EIPR1: variants seen among roughly 807,000 people sequenced by gnomAD.
EIPR1 encodes the protein EARP complex and GARP complex interacting protein 1.
A neutral mutation model predicts 48.1 loss-of-function variants in EIPR1; 25 were observed. That is an observed-to-expected ratio of 0.52 (90% CI 0.38 to 0.73). The LOEUF is 0.73. EIPR1 is among the 30% of genes least tolerant of loss of function. EIPR1 has a pLI of 0.00. For synonymous variants in EIPR1, 204 were observed against 201.9 expected (o/e 1.01, Z -0.09); for missense variants, 415 against 506.2 (o/e 0.82, Z 1.73).
intron 1 of EIPR1, among the ~76,000 whole-genome samples, chr2:3,356,707 G>A (rs991838289): frequency 6.6e-6 from 1 of 152,182 alleles, no homozygotes; most frequent in South Asian, 2.1e-4. Flanking sequence ...AATCGCATGG[G>A]TCACTGAAAT....
rs34170815 is a variant in EIPR1 at position 3,349,903 on chromosome 2, C to G, written c.126+4647G>C. Among the ~76,000 whole-genome samples, 96 of 152,238 alleles carry G rather than the reference C, an allele frequency of 6.3e-4. 1 individual carries two copies. Among genetic ancestry groups the G allele is most frequent in the Admixed American group, 6.1e-3 (94 of 15,286 alleles). On this transcript the variant is annotated intron_variant, in intron 2 of 8. Coordinates refer to ENST00000382125, the MANE Select transcript of EIPR1 (RefSeq NM_003310.5). ...CTTTGGGAGGCCAAGGCGGGCAGAT[C>G]ACCTGAAGTCAGGAGTTTGAGACCA...
rs1464179293 is a variant in EIPR1 at position 3,192,415 on chromosome 2, T to C, written c.988A>G (p.Lys330Glu). The C allele has an allele frequency of 1.9e-6, 3 of 1,608,024 alleles. No homozygotes were observed. The highest frequency in any genetic ancestry group is 2.2e-5 in the South Asian group (2 of 90,186). ...SDQEDHRSEE[K>E]SKEPLQDNVI... ...CCACTCTGCAGTGCGTGCCCTTACT[T>C]CTCTTCAGAACGGTGGTCCTCCTGG... The change falls in exon 8 of 9, where the codon AAG becomes GAG. Residue 330 changes from lysine (K) to glutamate (E), a missense_variant and splice_region_variant. Coordinates refer to ENST00000382125, the MANE Select transcript of EIPR1 (RefSeq NM_003310.5).
chr2:3,263,017 G>A (rs1435436486), intron 3 of EIPR1, among the ~76,000 whole-genome samples: 1 of 152,242 alleles, frequency 6.6e-6, no homozygotes, highest in Non-Finnish European at 1.5e-5. Flanking sequence ...ACTCATGCCT[G>A]TGGCCATGTG....
At position 3,194,020 on chromosome 2, in the gene EIPR1, G is replaced by T; in HGVS notation, c.800C>A (p.Thr267Asn). The change falls in exon 7 of 9, where the codon ACC becomes AAC. Residue 267 changes from threonine (T) to asparagine (N), a missense_variant. By Grantham distance (65) the Thr-to-Asn change is moderately conservative. Coordinates refer to ENST00000382125, the MANE Select transcript of EIPR1 (RefSeq NM_003310.5). ...DTRNVTEPVKTLEEHSHWVWN... is the reference protein window; with the variant it reads ...DTRNVTEPVKNLEEHSHWVWN... Reference sequence around the variant, plus strand: ...CTACCAGTGGGAGTGCTCCTCCAGGGTCTTCACGGGTTCGGTGACATTTCG... The same window carrying T: ...CTACCAGTGGGAGTGCTCCTCCAGGTTCTTCACGGGTTCGGTGACATTTCG... 1 of 1,613,792 alleles carries T rather than the reference G, an allele frequency of 6.2e-7. No individual in the cohort carries two copies. Among genetic ancestry groups the T allele is most frequent in the Non-Finnish European group, 8.5e-7 (1 of 1,180,006 alleles).
intron 5 of EIPR1, among the ~76,000 whole-genome samples, chr2:3,210,373 C>T (rs1377897433): frequency 6.6e-6 from 1 of 152,160 alleles, no homozygotes; most frequent in Non-Finnish European, 1.5e-5. Flanking sequence ...AGAACTCAGT[C>T]CCACGGCCAC....
chr2:3,370,893 C>T (rs1472447190), intron 1 of EIPR1, among the ~76,000 whole-genome samples: 1 of 152,006 alleles, frequency 6.6e-6, no homozygotes, highest in African/African-American at 2.4e-5. Context: ...GAGAATGCCA[C>T]AAAGATACTC....
chr2:3,375,873 G>A (rs1659858953), intron 1 of EIPR1, among the ~76,000 whole-genome samples: 1 of 152,228 alleles, frequency 6.6e-6, no homozygotes, highest in African/African-American at 2.4e-5. Flanking sequence ...ATCACTGGTA[G>A]TTAAGCTATC....
intron 3 of EIPR1, among the ~76,000 whole-genome samples, chr2:3,259,681 AAG>A (rs1315632567): frequency 2.0e-5 from 3 of 152,372 alleles, no homozygotes; most frequent in African/African-American, 7.2e-5. Flanking sequence ...TGTTGTAACA[AAG>A]AGGGGTTTTT....
At chr2:3,285,992 G>A (rs1668173541) in intron 3 of EIPR1, among the ~76,000 whole-genome samples, 3 of 152,218 alleles carry the variant, frequency 2.0e-5, no homozygotes, top group South Asian at 4.1e-4. Context: ...TGGAAGCAGT[G>A]CCCTGCCCTG....
chr2:3,238,921 G>A (rs1021423410), intron 4 of EIPR1, among the ~76,000 whole-genome samples: 1 of 152,224 alleles, frequency 6.6e-6, no homozygotes, highest in African/African-American at 2.4e-5. Flanking sequence ...TAAGAAGGGA[G>A]CCAGCCAGCC....
At chr2:3,352,909 A>C (rs544354516) in intron 2 of EIPR1, among the ~76,000 whole-genome samples, 2 of 152,200 alleles carry the variant, frequency 1.3e-5, no homozygotes, top group Non-Finnish European at 2.9e-5. Flanking sequence ...AGGCAGGAGA[A>C]TCACTTCAAC....
intron 1 of EIPR1, among the ~76,000 whole-genome samples, chr2:3,375,180 T>A (rs768616547): frequency 7.3e-6 from 1 of 136,564 alleles, no homozygotes; most frequent in Non-Finnish European, 1.5e-5. Flanking sequence ...AATTGAACAA[T>A]GAGAACACAT....
At chr2:3,222,485 A>G (rs960911657) in intron 4 of EIPR1, among the ~76,000 whole-genome samples, 2 of 151,968 alleles carry the variant, frequency 1.3e-5, no homozygotes, top group Non-Finnish European at 2.9e-5. Context: ...AAGAAGCAAA[A>G]AAAGGCTTAA....
At chr2:3,208,753 G>A (rs1422596601) in intron 5 of EIPR1, 13 of 1,548,068 alleles carry the variant, frequency 8.4e-6, no homozygotes, top group African/African-American at 4.1e-5. Context: ...TTCTGTGAGT[G>A]AGGCCCGTGG....
At chr2:3,280,600 G>C (rs1667985976) in intron 3 of EIPR1, among the ~76,000 whole-genome samples, 1 of 152,214 alleles carries the variant, frequency 6.6e-6, no homozygotes, top group Non-Finnish European at 1.5e-5. Flanking sequence ...GAGCAAACGA[G>C]GTTGCCTTGT....
chr2:3,266,159 A>G (rs559562372), intron 3 of EIPR1, among the ~76,000 whole-genome samples: 43 of 152,374 alleles, frequency 2.8e-4, no homozygotes, highest in Non-Finnish European at 5.7e-4. Context: ...CTTTGTGAGC[A>G]TGAATAGTAG....
At chr2:3,262,408 C>T (rs1332560425) in intron 3 of EIPR1, among the ~76,000 whole-genome samples, 1 of 152,198 alleles carries the variant, frequency 6.6e-6, no homozygotes, top group Non-Finnish European at 1.5e-5. Flanking sequence ...GCTGAGGACA[C>T]CAGGACTTCC....
intron 4 of EIPR1, among the ~76,000 whole-genome samples, chr2:3,227,649 GAGACCTTCATGGA>G (rs1332935287): frequency 6.6e-6 from 1 of 152,216 alleles, no homozygotes; most frequent in Non-Finnish European, 1.5e-5. Flanking sequence ...GGGCATGTCA[GAGACCTTCATGGA>G]AGCTGCTCCC....
chr2:3,298,495 G>A (rs1250153384), intron 3 of EIPR1: 1 of 151,828 alleles, frequency 6.6e-6, no homozygotes, highest in Non-Finnish European at 1.5e-5. Context: ...AGGGAGTTAT[G>A]GCCTCCAAAG....
Sources: gnomAD v4.1 joint callset for allele counts (sites outside exome capture counted in the v4.1 genomes callset) on GRCh38, gnomAD v4.1.1 for gene constraint, MANE v1.5 for transcripts, NCBI Gene and HGNC (gene_info 2026-07-23, HGNC 2026-07-21) for gene names.